COL18A1: variants seen among roughly 807,000 people sequenced by gnomAD.
The protein encoded by COL18A1 is collagen type XVIII alpha 1 chain.
Under a neutral mutation model 168.0 loss-of-function variants are expected in COL18A1, and 133 were observed. That is an observed-to-expected ratio of 0.79 (90% CI 0.69 to 0.91). The LOEUF (loss-of-function observed/expected upper bound fraction) is 0.91, where lower values mean the gene tolerates loss of function less well. Ranked by LOEUF, COL18A1 falls within the 40% of genes least tolerant of loss-of-function variation. The probability of loss-of-function intolerance (pLI) is 0.00; values close to 1 mark genes in which losing one functional copy is unlikely to be tolerated. For synonymous variants in COL18A1, 949 were observed against 809.0 expected (o/e 1.17, Z -2.94); for missense variants, 2,126 against 1,925.4 (o/e 1.10, Z -1.95).
rs751825694 is a variant in COL18A1, at chr21:45,505,975, T to C, written c.3216+9T>C. ...GGTTCCGGAAGGTCCAGGTGAGCGC[T>C]CTGTGTGACGGGTTCTGGACCCGTG... On this transcript the variant is annotated intron_variant, in intron 37 of 41. Transcript: ENST00000651438. 1.2e-6 allele frequency: 2 copies of C among 1,612,982 alleles called. No homozygotes were observed. Among genetic ancestry groups the C allele is most frequent in the South Asian group, 2.2e-5 (2 of 91,076 alleles).
In COL18A1 at chr21:45,510,051, CCT is replaced by C. The variant is rs1020864699; in HGVS notation, c.3496-9_3496-8del. 16 of 1,548,896 alleles carry C rather than the reference CCT, an allele frequency of 1.0e-5. No homozygotes were observed. Among genetic ancestry groups the C allele is most frequent in the East Asian group, 2.4e-5 (1 of 41,440 alleles). On this transcript the variant is annotated splice_polypyrimidine_tract_variant and intron_variant, in intron 39 of 41. Transcript: ENST00000651438. ...CGTGGGACACAGCCCGTGACGCGCC[CCT>C]CTCCCCGCAGCTCCACCTGGTTGCG...
chr21:45,452,677 ATG>A (rs1003199002), intron 2 of COL18A1, among the ~76,000 whole-genome samples: 20 of 146,268 alleles, frequency 1.4e-4, no homozygotes, highest in African/African-American at 3.9e-4. Context: ...CATGTGTGAC[ATG>A]TGTGAGCATG....
At chr21:45,483,973 A>G (rs1177674634) in intron 15 of COL18A1, among the ~76,000 whole-genome samples, 8 of 139,532 alleles carry the variant, frequency 5.7e-5, no homozygotes, top group African/African-American at 2.2e-4. Context: ...GCACACACAC[A>G]CCTCTCCAGC....
chr21:45,464,596 A>C (rs946254554), intron 2 of COL18A1, among the ~76,000 whole-genome samples: 1 of 152,180 alleles, frequency 6.6e-6, no homozygotes, highest in Non-Finnish European at 1.5e-5. Context: ...CAGAGTCTGA[A>C]ACCAGTTCAC....
rs796196943 is a variant in COL18A1 at position 45,503,665 on chromosome 21, T to C, written c.2684-346T>C. 8.4e-3 allele frequency among the ~76,000 whole-genome samples: 1,224 copies of C among 146,108 alleles called. 12 individuals carry two copies. The highest frequency in any genetic ancestry group is 0.023 in the African/African-American group (930 of 39,690). ...GTGGGGGGAGGGGGGAGGGATAGCA[T>C]TGGGAGATATACCTAATGCTAGATG... On this transcript the variant is annotated intron_variant, in intron 32 of 41. Coordinates refer to ENST00000651438, the MANE Select transcript of COL18A1 (RefSeq NM_001379500.1).
At position 45,467,925 on chromosome 21, in the gene COL18A1, G is replaced by A. The variant is rs138222873; in HGVS notation, c.107-317G>A. Among the ~76,000 whole-genome samples the A allele has an allele frequency of 1.8e-3, 268 of 152,322 alleles. 2 individuals are homozygous for A. Among genetic ancestry groups the A allele is most frequent in the African/African-American group, 6.0e-3 (251 of 41,574 alleles). ...GAAGCCTGTGGACACCATGTCTGCT[G>A]TGCCCATCCCTGCTCAAAGCATGGA... On this transcript the variant is annotated intron_variant, in intron 2 of 41. Coordinates refer to ENST00000651438, the MANE Select transcript of COL18A1 (RefSeq NM_001379500.1).
intron 2 of COL18A1, among the ~76,000 whole-genome samples, chr21:45,465,401 C>G (rs1446642897): frequency 6.6e-6 from 1 of 152,182 alleles, no homozygotes; most frequent in Non-Finnish European, 1.5e-5. Flanking sequence ...GCTCTGCAGC[C>G]TTGGGATTTG....
chr21:45,465,992 G>C, intron 2 of COL18A1, among the ~76,000 whole-genome samples: 1 of 152,160 alleles, frequency 6.6e-6, no homozygotes, highest in East Asian at 1.9e-4. Context: ...GAGAAGGGAC[G>C]GTCTTGTCCT....
chr21:45,491,252 C>T lies in COL18A1; in HGVS notation c.2095C>T (p.Gln699Ter). ...AGATCCAGGGAAGGACGGAGTCGGG[C>T]AGCCGGGCCTCCCTGGCCCCCCCGG... ...KGDPGKDGVG[Q>*]PGLPGPPGPP... The change falls in exon 22 of 42, where the codon CAG becomes TAG. Residue 699 changes from glutamine (Q) to a stop codon, truncating the protein, a stop_gained. Transcript: ENST00000651438. LOFTEE classifies it high-confidence loss of function. 1 of 1,612,398 alleles carries T rather than the reference C, an allele frequency of 6.2e-7. No homozygotes were observed. The highest frequency in any genetic ancestry group is 8.5e-7 in the Non-Finnish European group (1 of 1,179,676).
At position 45,477,983 on chromosome 21, in the gene COL18A1, C is replaced by A. The variant is rs1156370859; in HGVS notation, c.1221+18C>A. The A allele has an allele frequency of 7.5e-7, 1 of 1,335,890 alleles. No individual in the cohort carries two copies. The highest frequency in any genetic ancestry group is 2.5e-5 in the East Asian group (1 of 39,780). 82.8% of individuals were successfully genotyped at this position (1,335,890 alleles called of 1,614,324 possible). A position where few individuals can be genotyped will look rare whatever the true frequency, so the allele number is the denominator to read the frequency against. On this transcript the variant is annotated intron_variant, in intron 8 of 41. Coordinates refer to ENST00000651438, the MANE Select transcript of COL18A1 (RefSeq NM_001379500.1). The stretch of plus-strand genomic sequence containing the variant: ...GCGAGCCGGTGAGTCCTCACGTCCC[C>A]CCGAGTCCGGCCCGGTCTGGAGGGT...
chr21:45,480,930 G>A, intron 13 of COL18A1, 72 bp downstream of exon 13: 1 of 1,536,344 alleles, frequency 6.5e-7, no homozygotes, highest in Admixed American at 1.9e-5. Context: ...CCCCACATGG[G>A]AGCCCCTGCC....
intron 29 of COL18A1, chr21:45,496,029 A>G (rs2036528962): frequency 5.6e-6 from 2 of 356,980 alleles, no homozygotes; most frequent in South Asian, 2.2e-5. Flanking sequence ...CACATACAAC[A>G]GGCCCCTGTG....
rs184119963 is a variant in COL18A1 at position 45,497,700 on chromosome 21, C to A, written c.2683+39C>A. ...GACATCCCAGGCAGGAGAGCCATGG[C>A]GTGGCCAGCACTGAAGTGTGGTCAC... On this transcript the variant is annotated intron_variant, in intron 32 of 41. Transcript: ENST00000651438. 5.2e-6 allele frequency: 8 copies of A among 1,551,868 alleles called. No individual in the cohort carries two copies. In the South Asian group the frequency reaches 9.5e-5, roughly 18 times the overall value.
At position 45,489,596 on chromosome 21, in the gene COL18A1, C is replaced by G. The variant is rs1042399145; in HGVS notation, c.1959+75C>G. On this transcript the variant is annotated intron_variant, in intron 19 of 41. Coordinates refer to ENST00000651438, the MANE Select transcript of COL18A1 (RefSeq NM_001379500.1). The stretch of plus-strand genomic sequence containing the variant: ...GGCCCAGCCGGACACCTGCGGAGAT[C>G]AGCTCGGGGCGGCCTTCCCCGCTCT... The G allele has an allele frequency of 5.1e-6, 5 of 979,332 alleles. No individual in the cohort carries two copies. The African/African-American group carries it at 6.6e-5, about 13-fold the overall frequency. 60.7% of individuals were successfully genotyped at this position (979,332 alleles called of 1,614,324 possible).
chr21:45,479,958 C>A lies in COL18A1; in HGVS notation c.1305C>A (p.Gly435=), dbSNP rs1131102. The change falls in exon 10 of 42, where the codon GGC becomes GGA. Residue 435 remains glycine, a synonymous_variant. Transcript: ENST00000651438. The part of the protein sequence containing the change: ...PGTPGDVGPK[G]DKGDPGVGER... ...CTCCAGGGGACGTAGGTCCCAAGGG[C>A]GACAAGGTGAGTCTCCGTGGCTGGG... The A allele has an allele frequency of 0.076, 121,815 of 1,611,826 alleles. 6,151 individuals carry two copies. The highest frequency in any genetic ancestry group is 0.22 in the African/African-American group (16,565 of 74,706).
Position 45,504,511 on chromosome 21 carries a change from CGGCCCCCCAGGCCCCCCA to C in COL18A1, c.2829_2846del (p.Pro944_Pro949del), listed in dbSNP as rs78227997. 0.019 allele frequency: 30,035 copies of C among 1,577,570 alleles called. 333 individuals carry two copies. The highest frequency in any genetic ancestry group is 0.022 in the Non-Finnish European group (25,408 of 1,160,744). On this transcript the variant is annotated inframe_deletion, in exon 34 of 42. Coordinates refer to ENST00000651438, the MANE Select transcript of COL18A1 (RefSeq NM_001379500.1). ...TCGGCTCCAGCCTGCCCGGCCCCCC[CGGCCCCCCAGGCCCCCCA>C]GGCCCACGTGGCTACCCTGGGATTC... is the stretch of plus-strand genomic sequence containing the variant.
In COL18A1 at chr21:45,456,312, C is replaced by T. The variant is rs78240331; in HGVS notation, c.107-11930C>T. ...CAACGCCCTGACGTCCGCCTGCGCACGCCACTTCTGCACCCCCTGGTGATG... is the reference window on the plus strand; with the variant it reads ...CAACGCCCTGACGTCCGCCTGCGCATGCCACTTCTGCACCCCCTGGTGATG... On this transcript the variant is annotated intron_variant, in intron 2 of 41. Coordinates refer to ENST00000651438, the MANE Select transcript of COL18A1 (RefSeq NM_001379500.1). 2.3e-3 allele frequency: 3,565 copies of T among 1,552,520 alleles called. 61 individuals are homozygous for T. The African/African-American group carries it at 0.041, about 18-fold the overall frequency.
At position 45,405,494 on chromosome 21, in the gene COL18A1, G is replaced by A. The variant is rs528787430; in HGVS notation, c.106+21G>A. On this transcript the variant is annotated intron_variant, in intron 2 of 41. Coordinates refer to ENST00000651438, the MANE Select transcript of COL18A1 (RefSeq NM_001379500.1). Reference sequence around the variant, plus strand: ...GCCAGGTAAGACCCGGGCGGGACGGGAAGGTTCGCGCCGGTGCCCGCCGGC... The same window carrying A: ...GCCAGGTAAGACCCGGGCGGGACGGAAAGGTTCGCGCCGGTGCCCGCCGGC... The A allele has an allele frequency of 8.9e-5, 118 of 1,333,080 alleles. No homozygotes were observed. The South Asian group carries it at 1.8e-3, about 21-fold the overall frequency. 82.6% of individuals were successfully genotyped at this position (1,333,080 alleles called of 1,614,324 possible). A position where few individuals can be genotyped will look rare whatever the true frequency, so the allele number is the denominator to read the frequency against.
chr21:45,482,407 G>T, intron 14 of COL18A1: 1 of 607,248 alleles, frequency 1.6e-6, no homozygotes, highest in Non-Finnish European at 3.1e-6. Context: ...CTGGCCCCCT[G>T]GGGAGCGGTC....
Sources: gnomAD v4.1 joint callset for allele counts (sites outside exome capture counted in the v4.1 genomes callset) on GRCh38, gnomAD v4.1.1 for gene constraint, MANE v1.5 for transcripts, NCBI Gene and HGNC (gene_info 2026-07-23, HGNC 2026-07-21) for gene names.